The following PDE4B variants were observed in gnomAD, a reference collection of about 807,000 sequenced individuals.
The protein encoded by PDE4B is phosphodiesterase 4B.
PDE4B carries 20 observed loss-of-function variants against 82.2 expected under a neutral mutation model. That is an observed-to-expected ratio of 0.24 (90% confidence interval 0.17 to 0.35). The LOEUF is 0.35. Among genes scored for constraint, PDE4B ranks in the 10% least tolerant of loss-of-function variants. PDE4B has a pLI of 1.00. For synonymous variants in PDE4B, 320 were observed against 318.9 expected (o/e 1.00, Z -0.04); for missense variants, 655 against 907.2 (o/e 0.72, Z 3.57).
At position 66,368,777 on chromosome 1, in the gene PDE4B, A is replaced by G. The variant is rs1396638393; in HGVS notation, c.1663-10A>G. The stretch of plus-strand genomic sequence containing the variant: ...AATTTTATGAGATTTCCAAAACTTG[A>G]TGATTTCAGGTCCTTCGCAACATGG... On this transcript the variant is annotated splice_polypyrimidine_tract_variant and intron_variant, in intron 15 of 16. Coordinates refer to ENST00000341517, the MANE Select transcript of PDE4B (RefSeq NM_002600.4). 9.4e-6 allele frequency: 14 copies of G among 1,497,134 alleles called. No individual in the cohort carries two copies. The highest frequency in any genetic ancestry group is 1.4e-5 in the South Asian group (1 of 72,604). The allele number at this position is 1,497,134 out of a possible 1,614,324, so 92.7% of individuals were successfully genotyped here.
chr1:66,131,508 A>G (rs937164914), intron 3 of PDE4B, among the ~76,000 whole-genome samples: 4 of 147,674 alleles, frequency 2.7e-5, no homozygotes, highest in African/African-American at 9.9e-5. Flanking sequence ...TATATTAAAA[A>G]TATGTATATG....
chr1:65,932,100 C>T (rs1369525297), intron 3 of PDE4B, among the ~76,000 whole-genome samples: 1 of 152,014 alleles, frequency 6.6e-6, no homozygotes, highest in African/African-American at 2.4e-5. Flanking sequence ...CAAAGGACTT[C>T]CTCTGTCTGG....
intron 3 of PDE4B, among the ~76,000 whole-genome samples, chr1:65,988,327 A>G (rs1221462672): frequency 6.6e-6 from 1 of 152,216 alleles, no homozygotes. Context: ...GTTTTTTAAA[A>G]CAAAATATAA....
At chr1:66,129,668 AAAAACAAAAAAACAAAAAAACAAAAAAAC>A (rs1645897635) in intron 3 of PDE4B, among the ~76,000 whole-genome samples, 2 of 54,906 alleles carry the variant, frequency 3.6e-5, no homozygotes, top group Non-Finnish European at 8.1e-5. Flanking sequence ...TCAAAAAAAA[AAAAACAAAAAAACAAAAAAACAAAAAAAC>A]AAAAAAAAAA....
intron 7 of PDE4B, among the ~76,000 whole-genome samples, chr1:66,272,591 C>T (rs960144649): frequency 1.3e-5 from 2 of 151,132 alleles, no homozygotes; most frequent in Admixed American, 1.3e-4. Context: ...TTATCTCCCT[C>T]TTCACCTACC....
chr1:65,892,456 A>G lies in PDE4B; in HGVS notation c.-70-20789A>G, dbSNP rs141251513. ...CCAAGCAAAACATGCCTCAAAACCT[A>G]TTTATGCCTTATAGTCTTGAAAGTC... is the stretch of plus-strand genomic sequence containing the variant. On this transcript the variant is annotated intron_variant, in intron 1 of 16. Transcript: ENST00000341517. Among the ~76,000 whole-genome samples, 7 of 152,212 alleles carry G rather than the reference A, an allele frequency of 4.6e-5. No homozygotes were observed. The East Asian group carries it at 1.3e-3, about 29-fold the overall frequency.
chr1:66,132,879 C>T (rs990011660), intron 3 of PDE4B, among the ~76,000 whole-genome samples: 6 of 152,114 alleles, frequency 3.9e-5, no homozygotes, highest in Non-Finnish European at 7.4e-5. Context: ...CAGAGAAGAC[C>T]AAGGTCATCC....
At chr1:65,840,447 G>T (rs1458610178) in intron 1 of PDE4B, among the ~76,000 whole-genome samples, 1 of 152,134 alleles carries the variant, frequency 6.6e-6, no homozygotes, top group African/African-American at 2.4e-5. Context: ...GATTTTTAAT[G>T]AGTAGTTACA....
Position 66,030,761 on chromosome 1 carries a change from T to A in PDE4B, c.281+111926T>A, listed in dbSNP as rs117867823. ...AAAGAAAAGTGGTACATATACAACA[T>A]GGAATACGATGCAGCCTTAAACAAG... On this transcript the variant is annotated intron_variant, in intron 3 of 16. Coordinates refer to ENST00000341517, the MANE Select transcript of PDE4B (RefSeq NM_002600.4). Among the ~76,000 whole-genome samples, 1,296 of 152,324 alleles carry A rather than the reference T, an allele frequency of 8.5e-3. 46 individuals are homozygous for A. The East Asian group carries it at 0.089, about 10-fold the overall frequency.
intron 7 of PDE4B, among the ~76,000 whole-genome samples, chr1:66,303,122 A>G (rs1175489891): frequency 6.6e-6 from 1 of 152,054 alleles, no homozygotes. Context: ...TTTTTTCACC[A>G]TTGTAACCAC....
chr1:66,181,780 T>G (rs1024133861), intron 3 of PDE4B, among the ~76,000 whole-genome samples: 5 of 152,170 alleles, frequency 3.3e-5, no homozygotes, highest in African/African-American at 1.2e-4. Context: ...TCCCTACTTT[T>G]CACTCTGGTT....
At chr1:66,107,261 T>G (rs1358766303) in intron 3 of PDE4B, among the ~76,000 whole-genome samples, 1 of 152,142 alleles carries the variant, frequency 6.6e-6, no homozygotes, top group Non-Finnish European at 1.5e-5. Flanking sequence ...AGTGAGTTTC[T>G]TAATCCTGAA....
chr1:66,327,054 T>C (rs926893754), intron 7 of PDE4B, among the ~76,000 whole-genome samples: 2 of 152,222 alleles, frequency 1.3e-5, no homozygotes, highest in Admixed American at 6.5e-5. Flanking sequence ...ACTGCTAAAA[T>C]GTGTCCCCAT....
At chr1:66,347,172 C>T (rs1200671716) in intron 8 of PDE4B, among the ~76,000 whole-genome samples, 1 of 152,156 alleles carries the variant, frequency 6.6e-6, no homozygotes, top group African/African-American at 2.4e-5. Flanking sequence ...CCTCTATAAA[C>T]CTTCCGTGAA....
intron 3 of PDE4B, among the ~76,000 whole-genome samples, chr1:66,110,742 C>G (rs542670594): frequency 4.0e-5 from 6 of 151,876 alleles, no homozygotes; most frequent in Non-Finnish European, 8.8e-5. Context: ...ATATATAATG[C>G]GATTAAACCA....
chr1:66,182,683 C>T (rs535184120), intron 3 of PDE4B, among the ~76,000 whole-genome samples: 1 of 152,186 alleles, frequency 6.6e-6, no homozygotes, highest in African/African-American at 2.4e-5. Context: ...CAGCTGTCTC[C>T]GCTGCTCCAA....
At chr1:66,332,285 C>CG (rs1353385894) in intron 7 of PDE4B, 8 of 1,510,928 alleles carry the variant, frequency 5.3e-6, no homozygotes, top group African/African-American at 2.8e-5. Context: ...CTCATCCAGG[C>CG]GGGGGGTTGG....
rs186258329 is a variant in PDE4B, at chr1:66,333,490, A to G, written c.747+870A>G. Among the ~76,000 whole-genome samples the G allele has an allele frequency of 2.7e-3, 414 of 151,750 alleles. 1 individual carries two copies. Among genetic ancestry groups the G allele is most frequent in the Non-Finnish European group, 4.3e-3 (290 of 67,938 alleles). On this transcript the variant is annotated intron_variant, in intron 8 of 16. Transcript: ENST00000341517. ...TGTACACACACACACACACACATAC[A>G]CTTTGTTAAAAAGCCTTACACCATA...
intron 3 of PDE4B, among the ~76,000 whole-genome samples, chr1:66,119,976 C>T (rs518938): frequency 0.26 from 40,083 of 151,982 alleles, 6,272 homozygotes; most frequent in Middle Eastern, 0.36. Context: ...CAAAGATTTT[C>T]CCATATATCC....
Sources: allele counts gnomAD v4.1 joint callset (sites outside exome capture counted in the v4.1 genomes callset), GRCh38; gene constraint gnomAD v4.1.1; transcripts MANE v1.5; gene names NCBI Gene and HGNC (gene_info 2026-07-23, HGNC 2026-07-21).